Variants in LINGO2 observed in about 807,000 individuals in gnomAD.
LINGO2 encodes leucine rich repeat and Ig domain containing 2.
In LINGO2, 14 loss-of-function variants were observed where a neutral mutation model predicts 30.6. The ratio of observed to expected loss-of-function variants is 0.46; its 90% CI spans 0.30 to 0.72. LINGO2 has a LOEUF of 0.72. Ranked by LOEUF, LINGO2 falls within the 30% of genes least tolerant of loss-of-function variation. The probability of loss-of-function intolerance (pLI) is 0.07; values close to 1 mark genes in which losing one functional copy is unlikely to be tolerated. For synonymous variants in LINGO2, 317 were observed against 288.5 expected (o/e 1.10, Z -1.00); for missense variants, 729 against 751.7 (o/e 0.97, Z 0.35).
chr9:28,500,777 G>A (rs1343484183), intron 1 of LINGO2, among the ~76,000 whole-genome samples: 1 of 152,066 alleles, frequency 6.6e-6, no homozygotes, highest in African/African-American at 2.4e-5. Context: ...GCTCCAAATA[G>A]AGAGGTGATC....
chr9:29,184,294 T>C, the LINGO2 span, among the ~76,000 whole-genome samples: 1 of 152,048 alleles, frequency 6.6e-6, no homozygotes, highest in Admixed American at 6.6e-5. Flanking sequence ...AGAAAAAATC[T>C]GTGTTTTAAA....
chr9:28,304,515 T>C (rs1824269493), intron 3 of LINGO2, among the ~76,000 whole-genome samples: 1 of 152,036 alleles, frequency 6.6e-6, no homozygotes, highest in Non-Finnish European at 1.5e-5. Flanking sequence ...AGAATATTTC[T>C]GCACCCCAGA....
At chr9:28,128,326 C>G (rs185978183) in intron 4 of LINGO2, among the ~76,000 whole-genome samples, 2 of 152,260 alleles carry the variant, frequency 1.3e-5, no homozygotes, top group African/African-American at 2.4e-5. Flanking sequence ...GAAAATGTAA[C>G]TAGAAATAGC....
chr9:28,944,781 A>C, the LINGO2 span, among the ~76,000 whole-genome samples: 1 of 152,158 alleles, frequency 6.6e-6, no homozygotes, highest in East Asian at 1.9e-4. Context: ...TAAATGAAAG[A>C]TGACATACAA....
chr9:28,049,902 G>C (rs576994744), intron 4 of LINGO2, among the ~76,000 whole-genome samples: 1 of 150,826 alleles, frequency 6.6e-6, no homozygotes, highest in South Asian at 2.1e-4. Context: ...ACATGATCAG[G>C]GTTGTTTTTC....
At chr9:28,492,317 A>G (rs1183118877) in intron 1 of LINGO2, among the ~76,000 whole-genome samples, 1 of 152,188 alleles carries the variant, frequency 6.6e-6, no homozygotes, top group Non-Finnish European at 1.5e-5. Context: ...ATGACAAACA[A>G]ATAAAGCATT....
chr9:28,319,575 C>T (rs1243430926), intron 3 of LINGO2, among the ~76,000 whole-genome samples: 1 of 152,120 alleles, frequency 6.6e-6, no homozygotes, highest in Non-Finnish European at 1.5e-5. Context: ...GTAACACATA[C>T]AGCGTGAATG....
chr9:28,967,431 G>A, the LINGO2 span, among the ~76,000 whole-genome samples: 1 of 152,130 alleles, frequency 6.6e-6, no homozygotes, highest in Non-Finnish European at 1.5e-5. Flanking sequence ...AACTGAAGCA[G>A]AAGGAAATAA....
intron 5 of LINGO2, among the ~76,000 whole-genome samples, chr9:27,951,690 T>C (rs909899790): frequency 2.0e-5 from 3 of 152,126 alleles, no homozygotes; most frequent in African/African-American, 4.8e-5. Context: ...GCTTTTCAAC[T>C]TGGGGTTCTC....
At chr9:28,238,757 A>C (rs1821670048) in intron 4 of LINGO2, among the ~76,000 whole-genome samples, 1 of 152,120 alleles carries the variant, frequency 6.6e-6, no homozygotes, top group South Asian at 2.1e-4. Context: ...AGAGCAAACC[A>C]AATCCAAAAT....
intron 1 of LINGO2, among the ~76,000 whole-genome samples, chr9:28,591,611 A>G (rs1438593735): frequency 6.6e-6 from 1 of 152,020 alleles, no homozygotes; most frequent in Admixed American, 6.6e-5. Context: ...TGGGAGGTCA[A>G]TTTAGATGGG....
chr9:28,485,486 T>C (rs1201461491), intron 1 of LINGO2, among the ~76,000 whole-genome samples: 2 of 152,026 alleles, frequency 1.3e-5, no homozygotes, highest in Non-Finnish European at 2.9e-5. Context: ...CATTAAATAA[T>C]AGTAGAATCA....
At chr9:28,774,011 T>C in the LINGO2 span, among the ~76,000 whole-genome samples, 1 of 151,234 alleles carries the variant, frequency 6.6e-6, no homozygotes, top group Non-Finnish European at 1.5e-5. Context: ...AAATTTTAGG[T>C]ATGTGGGCCA....
At chr9:28,478,544 TCA>T (rs1270237703) in intron 1 of LINGO2, among the ~76,000 whole-genome samples, 1 of 152,104 alleles carries the variant, frequency 6.6e-6, no homozygotes, top group Non-Finnish European at 1.5e-5. Context: ...AGAAGATAGG[TCA>T]CAGTTTTAGA....
the LINGO2 span, among the ~76,000 whole-genome samples, chr9:28,937,679 C>T: frequency 6.6e-6 from 1 of 152,160 alleles, no homozygotes; most frequent in African/African-American, 2.4e-5. Context: ...GGTGGTCCTA[C>T]CCCTGAAACC....
chr9:28,717,475 A>G, the LINGO2 span, among the ~76,000 whole-genome samples: 1 of 152,068 alleles, frequency 6.6e-6, no homozygotes, highest in East Asian at 1.9e-4. Flanking sequence ...GAAAATTACA[A>G]TAAACATGAG....
intron 2 of LINGO2, among the ~76,000 whole-genome samples, chr9:28,435,244 G>A (rs1460066511): frequency 1.3e-5 from 2 of 152,118 alleles, no homozygotes; most frequent in Non-Finnish European, 2.9e-5. Flanking sequence ...TTACTGTAAA[G>A]TAATTCAAGT....
intron 1 of LINGO2, among the ~76,000 whole-genome samples, chr9:28,503,537 T>C (rs748638354): frequency 2.0e-5 from 3 of 152,002 alleles, no homozygotes; most frequent in Non-Finnish European, 4.4e-5. Context: ...GTCATATTTA[T>C]GGGAACAGAG....
At chr9:28,814,952 A>G in the LINGO2 span, among the ~76,000 whole-genome samples, 2 of 152,242 alleles carry the variant, frequency 1.3e-5, no homozygotes, top group Non-Finnish European at 2.9e-5. Context: ...TATTTAAACA[A>G]TAACTTGGTT....
Sources: allele counts gnomAD v4.1 joint callset (sites outside exome capture counted in the v4.1 genomes callset), GRCh38; gene constraint gnomAD v4.1.1; transcripts MANE v1.5; gene names NCBI Gene and HGNC (gene_info 2026-07-23, HGNC 2026-07-21).